MYH11: variants seen among roughly 807,000 people sequenced by gnomAD.
The protein encoded by MYH11 is myosin heavy chain 11.
MYH11 carries 80 observed loss-of-function variants against 246.6 expected under a neutral mutation model. The observed-to-expected ratio is 0.32, with a 90% confidence interval of 0.27 to 0.39. The LOEUF is 0.39. Ranked by LOEUF, MYH11 falls within the 10% of genes least tolerant of loss-of-function variation. The pLI, the probability that MYH11 is intolerant of heterozygous loss-of-function variation, is 1.00. For missense variants in MYH11, 2,158 were observed against 2,546.8 expected (o/e 0.85, Z 3.29); for synonymous variants, 1,071 against 1,015.5 (o/e 1.05, Z -1.04).
In MYH11 at chr16:15,750,335, T is replaced by G. The variant is rs2041533599; in HGVS notation, c.1865-4A>C. 1.3e-6 allele frequency: 2 copies of G among 1,593,112 alleles called. No individual in the cohort carries two copies. The highest frequency in any genetic ancestry group is 1.7e-6 in the Non-Finnish European group (2 of 1,171,358). On this transcript the variant is annotated splice_region_variant and splice_polypyrimidine_tract_variant and intron_variant, in intron 15 of 40. Transcript: ENST00000300036. The surrounding 1 kb of genome is among the most constrained non-coding windows in gnomAD (Gnocchi z 4.3). ...TCCAGGCCCACGATGCGGTCCACTA[T>G]GGGGCACAGCCAGGGTGGCATCAGC... is the stretch of plus-strand genomic sequence containing the variant.
chr16:15,743,923 A>G (rs2041346083), intron 20 of MYH11, among the ~76,000 whole-genome samples: 1 of 152,138 alleles, frequency 6.6e-6, no homozygotes, highest in African/African-American at 2.4e-5. Context: ...AACCAGTGCC[A>G]CTACAGGAAC....
Position 15,741,581 on chromosome 16 carries a change from G to A in MYH11, c.2741C>T (p.Ala914Val), listed in dbSNP as rs142128375. 4.6e-5 allele frequency: 74 copies of A among 1,610,614 alleles called. No individual in the cohort carries two copies. Among genetic ancestry groups the A allele is most frequent in the South Asian group, 8.8e-5 (8 of 91,092 alleles). The change falls in exon 22 of 41, where the codon GCG (alanine) becomes GTG (valine). Residue 914 changes from alanine (A) to valine (V), a missense_variant. Ala to Val is a moderately conservative substitution (Grantham distance 64). Coordinates refer to ENST00000300036, the MANE Select transcript of MYH11 (RefSeq NM_002474.3). ...AEAEEMRVRL[A>V]AKKQELEEIL... Reference sequence around the variant, plus strand: ...CTCCTCCAGCTCCTGCTTCTTGGCCGCCAGCCGCACCCGCATCTCCTCAGC... The same window carrying A: ...CTCCTCCAGCTCCTGCTTCTTGGCCACCAGCCGCACCCGCATCTCCTCAGC...
rs781249839 is a variant in MYH11, at chr16:15,726,803, G to A, written c.3858+45C>T. The A allele has an allele frequency of 1.3e-5, 21 of 1,605,622 alleles. No individual in the cohort carries two copies. In the South Asian group the frequency reaches 1.8e-4, roughly 13 times the overall value. ...AAGAGGCTCCTCCCCACAGAACTGG[G>A]CACCACCCAGCACTGCCCACCACAC... On this transcript the variant is annotated intron_variant, in intron 28 of 40. Coordinates refer to ENST00000300036, the MANE Select transcript of MYH11 (RefSeq NM_002474.3).
chr16:15,798,634 A>AAAAAAAAAAAAAAAAT, intron 4 of MYH11, 26 bp downstream of exon 4: 1 of 1,550,792 alleles, frequency 6.4e-7, no homozygotes, highest in African/African-American at 1.5e-5. Context: ...CAAAAAAAAA[A>AAAAAAAAAAAAAAAAT]CAGAAGAAAA....
At chr16:15,851,804 C>T (rs1321103949) in intron 1 of MYH11, among the ~76,000 whole-genome samples, 3 of 152,120 alleles carry the variant, frequency 2.0e-5, no homozygotes, top group Non-Finnish European at 4.4e-5. Flanking sequence ...ATTTTTTCCT[C>T]CCAACCAAGA....
At chr16:15,737,323 G>C in intron 25 of MYH11, 126 bp downstream of exon 25, 2 of 1,273,584 alleles carry the variant, frequency 1.6e-6, no homozygotes, top group South Asian at 2.5e-5. Flanking sequence ...GCCTGGCCTG[G>C]GAAACGAAGT....
In MYH11 at chr16:15,719,159, G is replaced by A. The variant is rs184027981; in HGVS notation, c.5171+61C>T. 2.4e-5 allele frequency: 37 copies of A among 1,512,500 alleles called. No individual in the cohort carries two copies. In the African/African-American group the frequency reaches 4.5e-4, roughly 18 times the overall value. 93.7% of individuals were successfully genotyped at this position (1,512,500 alleles called of 1,614,324 possible). The stretch of plus-strand genomic sequence containing the variant: ...ATTTAAAAAATAAAATGGGGGTCGA[G>A]GATGCTGCCTGTCCCCCCATCCTCT... On this transcript the variant is annotated intron_variant, in intron 36 of 40. Coordinates refer to ENST00000300036, the MANE Select transcript of MYH11 (RefSeq NM_002474.3).
chr16:15,750,404 GC>G lies in MYH11; in HGVS notation c.1865-74del. 6.9e-7 allele frequency: 1 copy of G among 1,447,922 alleles called. No individual in the cohort carries two copies. Among genetic ancestry groups the G allele is most frequent in the Non-Finnish European group, 9.4e-7 (1 of 1,065,826 alleles). The allele number at this position is 1,447,922 out of a possible 1,614,324, so 89.7% of individuals were successfully genotyped here. On this transcript the variant is annotated intron_variant, in intron 15 of 40. Coordinates refer to ENST00000300036, the MANE Select transcript of MYH11 (RefSeq NM_002474.3). This position sits in a 1 kb window ranked among gnomAD's most constrained non-coding sequence, Gnocchi z 4.3. ...TAAATAGGCCAGAGGCTCAGCCCCA[GC>G]CCCACCCACCAACCTGCCCACTCCA...
chr16:15,817,213 C>T lies in MYH11; in HGVS notation c.502+6042G>A, dbSNP rs113863408. 1.1e-3 allele frequency among the ~76,000 whole-genome samples: 160 copies of T among 152,222 alleles called. 1 individual carries two copies. Among genetic ancestry groups the T allele is most frequent in the African/African-American group, 3.7e-3 (155 of 41,536 alleles). ...CATCTTTCCAAAAACAAACCACGGC[C>T]GGGCGCAGTGGCTCATGCCTGTAAT... On this transcript the variant is annotated intron_variant, in intron 3 of 40. Coordinates refer to ENST00000300036, the MANE Select transcript of MYH11 (RefSeq NM_002474.3).
At chr16:15,775,522 T>TAC (rs1876950090) in intron 8 of MYH11, among the ~76,000 whole-genome samples, 1 of 152,214 alleles carries the variant, frequency 6.6e-6, no homozygotes, top group African/African-American at 2.4e-5. Flanking sequence ...GCTCTTGTAT[T>TAC]ACAATGGCAG....
intron 10 of MYH11, 37 bp downstream of exon 10, chr16:15,763,759 C>CCCCCCACAA: frequency 1.7e-6 from 2 of 1,151,248 alleles, no homozygotes; most frequent in Non-Finnish European, 2.6e-6. Flanking sequence ...CCCCCCAACC[C>CCCCCCACAA]CAAAGTCATT....
chr16:15,710,758 GCTC>G (rs1470416798), intron 40 of MYH11, among the ~76,000 whole-genome samples: 10 of 151,942 alleles, frequency 6.6e-5, no homozygotes, highest in Admixed American at 5.9e-4. Context: ...CTCACTGCAG[GCTC>G]CTCCTCCTGG....
chr16:15,815,885 G>A (rs1003304518), intron 3 of MYH11, among the ~76,000 whole-genome samples: 1 of 151,944 alleles, frequency 6.6e-6, no homozygotes, highest in African/African-American at 2.4e-5. Context: ...GAATCAGATT[G>A]GGTTTCATCT....
chr16:15,738,633 T>C lies in MYH11; in HGVS notation c.3053A>G (p.Glu1018Gly). The C allele has an allele frequency of 6.2e-7, 1 of 1,614,146 alleles. No individual in the cohort carries two copies. Among genetic ancestry groups the C allele is most frequent in the East Asian group, 2.2e-5 (1 of 44,866 alleles). The change falls in exon 24 of 41, where the codon GAG becomes GGG. Residue 1018 changes from glutamate (E) to glycine (G), a missense_variant. Glu to Gly is a moderately conservative substitution (Grantham distance 98). This residue lies in a region of MYH11 where 284 missense variants were observed against 315.4 expected (regional missense o/e 0.90). Coordinates refer to ENST00000300036, the MANE Select transcript of MYH11 (RefSeq NM_002474.3). ...ISDLTTNLAE[E>G]EEKAKNLTKL... ...GGTAAGATTCTTGGCCTTTTCTTCC[T>C]CTTCTGCAAGATTTGTCGTTAAGTC...
At chr16:15,829,698 G>A (rs1012553624) in intron 2 of MYH11, among the ~76,000 whole-genome samples, 14 of 152,164 alleles carry the variant, frequency 9.2e-5, no homozygotes, top group Admixed American at 4.6e-4. Context: ...TCTTGTGACC[G>A]TATTAGGAAG....
At chr16:15,737,351 G>A in intron 25 of MYH11, 98 bp downstream of exon 25, 1 of 1,535,162 alleles carries the variant, frequency 6.5e-7, no homozygotes. Flanking sequence ...AAGGGCCTGG[G>A]GCCGCCTTGA....
rs139222060 is a variant in MYH11, at chr16:15,790,757, A to C, written c.531-4025T>G. On this transcript the variant is annotated intron_variant, in intron 4 of 40. Transcript: ENST00000300036. ...GGCCTCCTGGCCTTGTAACTACCCC[A>C]GTGCCAAGTCCTTTTAATCAGTCCA... Among the ~76,000 whole-genome samples, 12 of 152,216 alleles carry C rather than the reference A, an allele frequency of 7.9e-5. No individual in the cohort carries two copies. In the East Asian group the frequency reaches 2.3e-3, roughly 30 times the overall value.
At chr16:15,741,267 A>G (rs1037131596) in intron 22 of MYH11, 196 bp downstream of exon 22, 7 of 675,666 alleles carry the variant, frequency 1.0e-5, no homozygotes, top group African/African-American at 5.3e-5. Flanking sequence ...AGGCAGGGCA[A>G]TAGAACAGAG....
intron 10 of MYH11, among the ~76,000 whole-genome samples, chr16:15,762,183 G>A (rs540945029): frequency 1.9e-4 from 29 of 152,174 alleles, no homozygotes; most frequent in African/African-American, 6.7e-4. Context: ...CCATGTTGGC[G>A]AGGCTGGTCT....
Sources: allele counts gnomAD v4.1 joint callset (sites outside exome capture counted in the v4.1 genomes callset), GRCh38; gene constraint gnomAD v4.1.1; regional missense constraint gnomAD v4.1.1; non-coding constraint Gnocchi (gnomAD v3.1); transcripts MANE v1.5; gene names NCBI Gene and HGNC (gene_info 2026-07-23, HGNC 2026-07-21).